The following MSH3 variants were observed in gnomAD, a reference collection of about 807,000 sequenced individuals.
MSH3 encodes the protein mutS homolog 3.
Under a neutral mutation model 123.3 loss-of-function variants are expected in MSH3, and 106 were observed. That is an observed-to-expected ratio of 0.86 (90% CI 0.73 to 1.01). MSH3 has a LOEUF of 1.01. Among genes scored for constraint, MSH3 ranks in the 50% least tolerant of loss-of-function variants. The probability of loss-of-function intolerance (pLI) is 0.00; values close to 1 mark genes in which losing one functional copy is unlikely to be tolerated. For missense variants in MSH3, 1,459 were observed against 1,347.6 expected, an observed-to-expected ratio of 1.08 and a Z score of -1.29; for synonymous variants, 515 against 481.4, an observed-to-expected ratio of 1.07 and a Z score of -0.91.
Position 80,690,457 on chromosome 5 carries a change from G to A in MSH3, c.1340+11364G>A, listed in dbSNP as rs188854061. Among the ~76,000 whole-genome samples, 92 of 152,076 alleles carry A rather than the reference G, an allele frequency of 6.0e-4. 1 individual carries two copies. Among genetic ancestry groups the A allele is most frequent in the African/African-American group, 2.2e-3 (91 of 41,482 alleles). On this transcript the variant is annotated intron_variant, in intron 8 of 23. Coordinates refer to ENST00000265081, the MANE Select transcript of MSH3 (RefSeq NM_002439.5). The stretch of plus-strand genomic sequence containing the variant: ...CCAGTAGCTGGGATTACAGGCGCCC[G>A]CCACCACACCCGGCTAATTTTTGTA...
intron 19 of MSH3, among the ~76,000 whole-genome samples, chr5:80,797,021 T>C (rs1469674300): frequency 6.6e-6 from 1 of 152,038 alleles, no homozygotes; most frequent in African/African-American, 2.4e-5. Flanking sequence ...TTCCCTCTGC[T>C]TAGAATGTCA....
At chr5:80,792,651 G>A (rs1744627718) in intron 18 of MSH3, 82 bp from the exon 19 acceptor site, 1 of 816,758 alleles carries the variant, frequency 1.2e-6, no homozygotes, top group Non-Finnish European at 2.1e-6. Context: ...ACAGAGTACT[G>A]AAATTTTTCA....
intron 23 of MSH3, among the ~76,000 whole-genome samples, chr5:80,874,179 A>T (rs896462007): frequency 3.9e-5 from 6 of 152,286 alleles, no homozygotes; most frequent in Admixed American, 2.6e-4. Flanking sequence ...ATTATTACCA[A>T]ATTTCAATAT....
At chr5:80,829,785 GA>G (rs1484390580) in intron 20 of MSH3, among the ~76,000 whole-genome samples, 1 of 152,150 alleles carries the variant, frequency 6.6e-6, no homozygotes, top group Non-Finnish European at 1.5e-5. Flanking sequence ...TCTATTGTCT[GA>G]AACAGATTAT....
At chr5:80,756,478 A>G (rs1222098426) in intron 12 of MSH3, among the ~76,000 whole-genome samples, 1 of 152,080 alleles carries the variant, frequency 6.6e-6, no homozygotes, top group African/African-American at 2.4e-5. Flanking sequence ...TCCTGTGATC[A>G]CATTTTCAAA....
intron 18 of MSH3, 121 bp from the exon 19 acceptor site, chr5:80,792,612 T>C (rs1307152919): frequency 4.5e-6 from 3 of 667,994 alleles, no homozygotes; most frequent in East Asian, 5.5e-5. Flanking sequence ...TTAAAATCTA[T>C]GTTTAAAGTT....
At chr5:80,867,119 C>G (rs1187351681) in intron 22 of MSH3, among the ~76,000 whole-genome samples, 1 of 152,210 alleles carries the variant, frequency 6.6e-6, no homozygotes, top group African/African-American at 2.4e-5. Flanking sequence ...TACCCCTCTT[C>G]TAAGCATGTG....
rs774961818 is a variant in MSH3, at chr5:80,674,978, A to G, written c.1028-5A>G. ...ATATAATTATTTTTCTTTAATTATT[A>G]TTAAATGTGAATCCCCTAATCAAGC... On this transcript the variant is annotated splice_polypyrimidine_tract_variant and splice_region_variant and intron_variant, in intron 6 of 23. Coordinates refer to ENST00000265081, the MANE Select transcript of MSH3 (RefSeq NM_002439.5). The G allele has an allele frequency of 1.9e-6, 3 of 1,584,516 alleles. No homozygotes were observed. Among genetic ancestry groups the G allele is most frequent in the South Asian group, 2.2e-5 (2 of 89,050 alleles).
intron 10 of MSH3, among the ~76,000 whole-genome samples, chr5:80,733,599 A>G (rs1211131666): frequency 6.6e-6 from 1 of 150,892 alleles, no homozygotes; most frequent in Non-Finnish European, 1.5e-5. Context: ...TATCTAGAAT[A>G]TATATATATA....
intron 12 of MSH3, among the ~76,000 whole-genome samples, chr5:80,756,247 A>G (rs759343317): frequency 6.6e-5 from 10 of 152,328 alleles, no homozygotes; most frequent in South Asian, 6.2e-4. Flanking sequence ...AAAGAAAGAA[A>G]GAAAAGAAAA....
chr5:80,843,356 T>C (rs1745660650), intron 20 of MSH3, among the ~76,000 whole-genome samples: 1 of 152,240 alleles, frequency 6.6e-6, no homozygotes, highest in South Asian at 2.1e-4. Context: ...GATATTGGTC[T>C]AAAATTCTCT....
At chr5:80,781,511 A>T (rs1435327044) in intron 17 of MSH3, among the ~76,000 whole-genome samples, 3 of 147,522 alleles carry the variant, frequency 2.0e-5, no homozygotes, top group Non-Finnish European at 4.5e-5. Context: ...TCTGCCACCC[A>T]GGCTGGAGTG....
Position 80,827,226 on chromosome 5 carries a change from G to A in MSH3, c.2813+13485G>A, listed in dbSNP as rs755160565. The stretch of plus-strand genomic sequence containing the variant: ...TCAGCATAATTTATTTCTATTAAAC[G>A]TTGGTGATTAAGCGTTGATGAAAAG... On this transcript the variant is annotated intron_variant, in intron 20 of 23. Coordinates refer to ENST00000265081, the MANE Select transcript of MSH3 (RefSeq NM_002439.5). Among the ~76,000 whole-genome samples the A allele has an allele frequency of 3.2e-4, 49 of 152,264 alleles. 1 individual carries two copies. Among genetic ancestry groups the A allele is most frequent in the Admixed American group, 1.8e-3 (28 of 15,294 alleles).
rs757062182 is a variant in MSH3 at position 80,875,725 on chromosome 5, A to G, written c.3303-26A>G. 3.8e-6 allele frequency: 5 copies of G among 1,309,034 alleles called. No individual in the cohort carries two copies. In the South Asian group the frequency reaches 4.8e-5, roughly 12 times the overall value. The allele number at this position is 1,309,034 out of a possible 1,614,324, so 81.1% of individuals were successfully genotyped here. ...GTCTCCCAGCAATTTCATTTATTAA[A>G]TAAGTAGTATTTGATTTTTCCCCAG... On this transcript the variant is annotated intron_variant, in intron 23 of 23. Transcript: ENST00000265081.
At chr5:80,720,866 C>T (rs957481447) in intron 8 of MSH3, among the ~76,000 whole-genome samples, 11 of 152,202 alleles carry the variant, frequency 7.2e-5, no homozygotes, top group Middle Eastern at 3.4e-3. Context: ...TGTTTTTTAA[C>T]TCCAAGTATT....
intron 20 of MSH3, among the ~76,000 whole-genome samples, chr5:80,833,511 C>T (rs778049608): frequency 7.2e-5 from 11 of 152,208 alleles, no homozygotes; most frequent in African/African-American, 1.4e-4. Context: ...GGCACCATCT[C>T]GGCTCACTGC....
intron 22 of MSH3, 41 bp from the exon 23 acceptor site, chr5:80,873,075 G>T: frequency 6.4e-7 from 1 of 1,559,666 alleles, no homozygotes; most frequent in Non-Finnish European, 8.8e-7. Flanking sequence ...ATTTATTTCA[G>T]CTTTCAGGCA....
At chr5:80,819,733 C>T (rs1462852703) in intron 20 of MSH3, among the ~76,000 whole-genome samples, 3 of 152,060 alleles carry the variant, frequency 2.0e-5, no homozygotes, top group Non-Finnish European at 2.9e-5. Flanking sequence ...GTGATCCGCC[C>T]GCCTTGACCT....
At chr5:80,800,220 C>T (rs942546271) in intron 19 of MSH3, among the ~76,000 whole-genome samples, 4 of 152,226 alleles carry the variant, frequency 2.6e-5, no homozygotes, top group Non-Finnish European at 4.4e-5. Context: ...CCCTTCAGCG[C>T]AATACTTCCA....
Sources: gnomAD v4.1 joint callset for allele counts (sites outside exome capture counted in the v4.1 genomes callset) on GRCh38, gnomAD v4.1.1 for gene constraint, MANE v1.5 for transcripts, NCBI Gene and HGNC (gene_info 2026-07-23, HGNC 2026-07-21) for gene names.